The following LRP6 variants were observed in gnomAD, a reference collection of about 807,000 sequenced individuals.
The protein encoded by LRP6 is low-density lipoprotein receptor-related protein 6.
Under a neutral mutation model 184.1 loss-of-function variants are expected in LRP6, and 43 were observed. The ratio of observed to expected loss-of-function variants is 0.23; its 90% confidence interval spans 0.18 to 0.30. LRP6 has a LOEUF of 0.30. LRP6 is among the 10% of genes least tolerant of loss of function. LRP6 has a pLI of 1.00. For missense variants in LRP6, 1,571 were observed against 2,005.3 expected (o/e 0.78, Z 4.14); for synonymous variants, 719 against 684.9 (o/e 1.05, Z -0.78).
In LRP6 at chr12:12,121,144, G is replaced by C. The variant is rs373846931; in HGVS notation, c.4824C>G (p.Pro1608=). 1.6e-5 allele frequency: 25 copies of C among 1,612,626 alleles called. No homozygotes were observed. In the African/African-American group the frequency reaches 3.2e-4, roughly 21 times the overall value. Residue 1608 remains proline, a synonymous_variant, in exon 23 of 23, where the codon CCC becomes CCG. Coordinates refer to ENST00000261349, the MANE Select transcript of LRP6 (RefSeq NM_002336.3). ...SHHLYPPPPS[P]CTDSS is the part of the protein sequence containing the mutation. ...CCCCTCCTCAGGAGGAGTCTGTACAGGGAGAGGGTGGCGGTGGGTAGAGGT... is the reference window on the plus strand; with the variant it reads ...CCCCTCCTCAGGAGGAGTCTGTACACGGAGAGGGTGGCGGTGGGTAGAGGT...
chr12:12,160,466 C>T (rs1230628135), intron 10 of LRP6, among the ~76,000 whole-genome samples: 1 of 152,124 alleles, frequency 6.6e-6, no homozygotes, highest in African/African-American at 2.4e-5. Context: ...AAATACTAAG[C>T]CTTTAACTGA....
intron 4 of LRP6, among the ~76,000 whole-genome samples, chr12:12,186,087 ATC>A (rs1032924853): frequency 6.6e-6 from 1 of 151,990 alleles, no homozygotes; most frequent in African/African-American, 2.4e-5. Context: ...ACCTCAAGTG[ATC>A]CACCTGCCTT....
intron 2 of LRP6, among the ~76,000 whole-genome samples, chr12:12,228,024 T>C (rs1384111261): frequency 6.6e-6 from 1 of 152,180 alleles, no homozygotes; most frequent in Admixed American, 6.5e-5. Flanking sequence ...CAAATCCTCA[T>C]TTGGCACATT....
chr12:12,184,750 T>C (rs1383998975), intron 4 of LRP6, among the ~76,000 whole-genome samples: 1 of 152,120 alleles, frequency 6.6e-6, no homozygotes, highest in Admixed American at 6.5e-5. Flanking sequence ...AGTAATTATG[T>C]TGAAAAGTCA....
intron 2 of LRP6, among the ~76,000 whole-genome samples, chr12:12,231,113 G>A (rs577662649): frequency 4.9e-5 from 7 of 143,400 alleles, no homozygotes; most frequent in South Asian, 2.3e-4. Flanking sequence ...CCTGGGTGGC[G>A]GAGGTTGCAG....
rs11054741 is a variant in LRP6 at position 12,244,963 on chromosome 12, C to G, written c.56-308G>C. Among the ~76,000 whole-genome samples the G allele has an allele frequency of 0.15, 22,743 of 152,162 alleles. 1,890 individuals are homozygous for G. Among genetic ancestry groups the G allele is most frequent in the Non-Finnish European group, 0.19 (12,886 of 67,994 alleles). ...AATAATATGGAGCTACTGGAACACT[C>G]ATACTCTACTGGGGTGAATGTAAAA... On this transcript the variant is annotated intron_variant, in intron 1 of 22. Coordinates refer to ENST00000261349, the MANE Select transcript of LRP6 (RefSeq NM_002336.3).
intron 6 of LRP6, among the ~76,000 whole-genome samples, chr12:12,180,240 C>CTTTTTTTTTTTTTTTTTTTTTTTTTTTTT: frequency 7.9e-6 from 1 of 126,134 alleles, no homozygotes; most frequent in Non-Finnish European, 1.6e-5. Flanking sequence ...AGTTTTACTT[C>CTTTTTTTTTTTTTTTTTTTTTTTTTTTTT]TTTTTTTTTT....
intron 1 of LRP6, among the ~76,000 whole-genome samples, chr12:12,254,162 A>AAAGAAAG (rs1555126545): frequency 7.4e-6 from 1 of 134,878 alleles, no homozygotes; most frequent in Non-Finnish European, 1.6e-5. Flanking sequence ...AAAAAAAAAA[A>AAAGAAAG]AAAGAAAGAA....
rs944729454 is a variant in LRP6 at position 12,149,112 on chromosome 12, C to T, written c.3036G>A (p.Leu1012=). 1 of 1,613,824 alleles carries T rather than the reference C, an allele frequency of 6.2e-7. No individual in the cohort carries two copies. The highest frequency in any genetic ancestry group is 1.3e-5 in the African/African-American group (1 of 74,828). Residue 1012 remains leucine (L), a synonymous_variant, in exon 14 of 23, where the codon CTG becomes CTA. Coordinates refer to ENST00000261349, the MANE Select transcript of LRP6 (RefSeq NM_002336.3). ...VVVSSVPSQN[L]EIQPYDLSID... ...TGCTGAGGTCATAGGGTTGTATTTC[C>T]AGGTTCTGACTCGGAACTGAGCTCA...
chr12:12,232,684 G>A (rs1301422251), intron 2 of LRP6, among the ~76,000 whole-genome samples: 1 of 149,226 alleles, frequency 6.7e-6, no homozygotes, highest in African/African-American at 2.5e-5. Flanking sequence ...ACACATAAAA[G>A]ATGGAATAAA....
rs1565560729 is a variant in LRP6, at chr12:12,147,527, C to T, written c.3236G>A (p.Arg1079Lys). The T allele has an allele frequency of 6.2e-7, 1 of 1,613,972 alleles. No individual in the cohort carries two copies. The highest frequency in any genetic ancestry group is 8.5e-7 in the Non-Finnish European group (1 of 1,179,986). Residue 1079 changes from arginine to lysine, a missense_variant, in exon 15 of 23, where the codon AGG becomes AAG. Arg to Lys is a conservative substitution (Grantham distance 26). This residue lies in a region of LRP6 where 763 missense variants were observed against 859.5 expected (regional missense o/e 0.89). Transcript: ENST00000261349. The part of the protein sequence containing the change: ...GYMYFTNLQE[R>K]SPKIERAALD... ...AGCAGCCCGTTCAATTTTAGGAGAC[C>T]TTTCCTGAAGATTGGTAAAATACAT...
intron 14 of LRP6, 126 bp from the exon 15 acceptor site, chr12:12,147,682 T>C: frequency 1.2e-6 from 1 of 828,510 alleles, no homozygotes; most frequent in Admixed American, 2.3e-5. Flanking sequence ...TTAAAATACG[T>C]ATTTTTTGAC....
In LRP6 at chr12:12,225,316, T is replaced by C. The variant is rs75674997; in HGVS notation, c.449+18946A>G. ...AACAACAAAGATCAACAACTCTTCT[T>C]AGATCCACCAGAGAAGTAAGGTCAC... On this transcript the variant is annotated intron_variant, in intron 2 of 22. Transcript: ENST00000261349. Among the ~76,000 whole-genome samples, 837 of 152,232 alleles carry C rather than the reference T, an allele frequency of 5.5e-3. 8 individuals are homozygous for C. The highest frequency in any genetic ancestry group is 0.019 in the African/African-American group (776 of 41,534).
At chr12:12,179,399 GAT>G (rs1302550037) in intron 7 of LRP6, among the ~76,000 whole-genome samples, 1 of 146,218 alleles carries the variant, frequency 6.8e-6, no homozygotes, top group African/African-American at 2.5e-5. Context: ...TATAGATATA[GAT>G]ATAGATATAG....
At chr12:12,129,588 T>C (rs1349222752) in intron 19 of LRP6, among the ~76,000 whole-genome samples, 6 of 152,082 alleles carry the variant, frequency 3.9e-5, no homozygotes, top group African/African-American at 1.4e-4. Context: ...AGTCTCGCCC[T>C]GTCGCCCAGG....
intron 15 of LRP6, among the ~76,000 whole-genome samples, chr12:12,146,924 G>A (rs1486296420): frequency 6.6e-6 from 1 of 152,150 alleles, no homozygotes; most frequent in African/African-American, 2.4e-5. Context: ...AGGCCGAGGC[G>A]GGTGGATCAC....
At chr12:12,198,530 CTTTT>C (rs56150307) in intron 3 of LRP6, among the ~76,000 whole-genome samples, 3 of 76,982 alleles carry the variant, frequency 3.9e-5, no homozygotes, top group South Asian at 5.9e-4. Flanking sequence ...GAATTTTTCT[CTTTT>C]TTTTTTTTTT....
In LRP6 at chr12:12,179,950, G is replaced by T. The variant is rs1426640721; in HGVS notation, c.1405C>A (p.Pro469Thr). ...TCCAGAGCTGCTCGCTCAATTTTCG[G>T]AATTTCTCCCCAGTCAGTCCAATAC... Reference protein sequence around the residue: ...YMYWTDWGEIPKIERAALDGS... With the variant: ...YMYWTDWGEITKIERAALDGS... Residue 469 changes from proline to threonine, a missense_variant, in exon 7 of 23, where the codon CCG becomes ACG. By Grantham distance (38) the Pro-to-Thr change is conservative. Around this residue, in one of 4 missense-constraint regions of LRP6, gnomAD observed 640 missense variants for 851.9 expected, o/e 0.75. Transcript: ENST00000261349. 6.2e-7 allele frequency: 1 copy of T among 1,613,734 alleles called. No individual in the cohort carries two copies. Among genetic ancestry groups the T allele is most frequent in the Admixed American group, 1.7e-5 (1 of 60,006 alleles).
intron 7 of LRP6, among the ~76,000 whole-genome samples, chr12:12,170,848 AACT>A (rs763146533): frequency 4.2e-4 from 63 of 151,746 alleles, no homozygotes; most frequent in African/African-American, 1.2e-3. Flanking sequence ...AGATGAAAAA[AACT>A]ACTTTTTTTC....
Sources: allele counts gnomAD v4.1 joint callset (sites outside exome capture counted in the v4.1 genomes callset), GRCh38; gene constraint gnomAD v4.1.1; regional missense constraint gnomAD v4.1.1; transcripts MANE v1.5; gene names NCBI Gene and HGNC (gene_info 2026-07-23, HGNC 2026-07-21).